CTNNAL1: variants seen among roughly 807,000 people sequenced by gnomAD.
CTNNAL1 encodes the protein alpha-catulin.
A neutral mutation model predicts 93.6 loss-of-function variants in CTNNAL1; 69 were observed. The ratio of observed to expected loss-of-function variants is 0.74; its 90% CI spans 0.61 to 0.90. The LOEUF (loss-of-function observed/expected upper bound fraction) is 0.90, where lower values mean the gene tolerates loss of function less well. Among genes scored for constraint, CTNNAL1 ranks in the 40% least tolerant of loss-of-function variants. The pLI is 0.00. For missense variants in CTNNAL1, 836 were observed against 862.0 expected (o/e 0.97, Z 0.38); for synonymous variants, 286 against 305.4 (o/e 0.94, Z 0.66).
At chr9:108,989,163 T>C (rs1285477871) in intron 4 of CTNNAL1, among the ~76,000 whole-genome samples, 1 of 152,190 alleles carries the variant, frequency 6.6e-6, no homozygotes, top group Admixed American at 6.5e-5. Flanking sequence ...ATCAAAATGA[T>C]GGTGAAAGTT....
At chr9:108,953,949 C>T (rs1830631017) in intron 12 of CTNNAL1, among the ~76,000 whole-genome samples, 1 of 152,128 alleles carries the variant, frequency 6.6e-6, no homozygotes, top group Non-Finnish European at 1.5e-5. Flanking sequence ...TATAAGGCAA[C>T]TGATAAAACA....
At chr9:109,008,152 CTTTTTTTT>C (rs149753320) in intron 1 of CTNNAL1, among the ~76,000 whole-genome samples, 1 of 85,290 alleles carries the variant, frequency 1.2e-5, no homozygotes, top group Admixed American at 1.6e-4. Context: ...ATCCATCTTT[CTTTTTTTT>C]TTTTTTTTTT....
chr9:108,992,676 C>T lies in CTNNAL1; in HGVS notation c.475G>A (p.Ala159Thr). The change falls in exon 3 of 19, where the codon GCA becomes ACA. Residue 159 changes from alanine to threonine, a missense_variant. Ala to Thr is a moderately conservative substitution (Grantham distance 58). Coordinates refer to ENST00000325551, the MANE Select transcript of CTNNAL1 (RefSeq NM_003798.4). ...LSSVTKVLLL[A>T]DRVVIKQIIT... is the part of the protein sequence containing the mutation. Reference sequence around the variant, plus strand: ...ATCTGTTTAATGACTACTCGGTCTGCCAGCAACAACACTTTTGTCACTGAA... The same window carrying T: ...ATCTGTTTAATGACTACTCGGTCTGTCAGCAACAACACTTTTGTCACTGAA... 6.2e-7 allele frequency: 1 copy of T among 1,613,628 alleles called. No homozygotes were observed.
At chr9:108,946,494 T>C (rs1830408508) in intron 15 of CTNNAL1, among the ~76,000 whole-genome samples, 1 of 152,178 alleles carries the variant, frequency 6.6e-6, no homozygotes, top group African/African-American at 2.4e-5. Context: ...CATCCAACTC[T>C]CACTTCATTA....
intron 8 of CTNNAL1, among the ~76,000 whole-genome samples, chr9:108,976,034 G>T (rs1831257778): frequency 6.6e-6 from 1 of 152,138 alleles, no homozygotes; most frequent in Non-Finnish European, 1.5e-5. Context: ...AAAACAAAAT[G>T]TACCCATTTT....
At chr9:109,012,193 G>A (rs564678540) in intron 1 of CTNNAL1, among the ~76,000 whole-genome samples, 46 of 152,064 alleles carry the variant, frequency 3.0e-4, no homozygotes, top group African/African-American at 1.1e-3. Flanking sequence ...TGTAACTGCT[G>A]TTTTCAAATA....
chr9:108,956,714 C>A (rs1405869547), intron 11 of CTNNAL1, among the ~76,000 whole-genome samples: 1 of 152,086 alleles, frequency 6.6e-6, no homozygotes, highest in African/African-American at 2.4e-5. Flanking sequence ...ATGACTATTA[C>A]AGGAAATGGG....
Position 109,013,389 on chromosome 9 carries a change from G to C in CTNNAL1, c.54C>G (p.Gly18=). The C allele has an allele frequency of 6.7e-7, 1 of 1,503,578 alleles. No individual in the cohort carries two copies. Among genetic ancestry groups the C allele is most frequent in the Non-Finnish European group, 8.9e-7 (1 of 1,125,754 alleles). The allele number at this position is 1,503,578 out of a possible 1,614,324, so 93.1% of individuals were successfully genotyped here. A position where few individuals can be genotyped will look rare whatever the true frequency, so the allele number is the denominator to read the frequency against. Residue 18 remains glycine, a synonymous_variant, in exon 1 of 19, where the codon GGC becomes GGG. Transcript: ENST00000325551. ...CGAGGGCGAAGCCCGAAGAGCCGGA[G>C]CCGTAGACTGCTCCGGCGCCGCCAA... is the stretch of plus-strand genomic sequence containing the variant. ...AGVGGAGAVY[G]SGSSGFALDS...
intron 4 of CTNNAL1, among the ~76,000 whole-genome samples, chr9:108,985,678 C>G (rs1044803386): frequency 1.3e-5 from 2 of 152,172 alleles, no homozygotes; most frequent in African/African-American, 4.8e-5. Context: ...TCATGGGTAC[C>G]TATCAGATAA....
At chr9:109,009,517 G>A (rs1184297833) in intron 1 of CTNNAL1, among the ~76,000 whole-genome samples, 1 of 151,950 alleles carries the variant, frequency 6.6e-6, no homozygotes, top group Non-Finnish European at 1.5e-5. Flanking sequence ...TATATGTGTG[G>A]ATCTGTTCTA....
Position 108,992,722 on chromosome 9 carries a change from C to T in CTNNAL1, c.429G>A (p.Lys143=). The change falls in exon 3 of 19, where the codon AAG becomes AAA. Residue 143 remains lysine (K), a synonymous_variant. Transcript: ENST00000325551. ...TIFTDKTGVI[K]AARLLLSSVT... ...CTGAAGAAAGAAGTAATCTTGCAGCCTTTATCACTCCTGTTTTGTCTGTAA... is the reference window on the plus strand; with the variant it reads ...CTGAAGAAAGAAGTAATCTTGCAGCTTTTATCACTCCTGTTTTGTCTGTAA... 1 of 1,613,992 alleles carries T rather than the reference C, an allele frequency of 6.2e-7. No individual in the cohort carries two copies. Among genetic ancestry groups the T allele is most frequent in the Non-Finnish European group, 8.5e-7 (1 of 1,179,938 alleles).
chr9:108,983,695 A>G (rs894104715), intron 5 of CTNNAL1, among the ~76,000 whole-genome samples: 1 of 152,234 alleles, frequency 6.6e-6, no homozygotes, highest in East Asian at 1.9e-4. Context: ...CTTTTAAAAA[A>G]TGATGTAAAT....
chr9:108,993,391 T>C (rs1831890152), intron 2 of CTNNAL1, among the ~76,000 whole-genome samples: 1 of 151,954 alleles, frequency 6.6e-6, no homozygotes, highest in African/African-American at 2.4e-5. Flanking sequence ...AAAGAAACAA[T>C]AAGGAAGTTT....
chr9:108,977,083 C>T (rs201248628), intron 7 of CTNNAL1, 35 bp from the exon 8 acceptor site: 11 of 958,606 alleles, frequency 1.1e-5, no homozygotes, highest in African/African-American at 8.6e-5. Context: ...GTAATGTTAC[C>T]GCATCTCTTT....
At chr9:108,972,973 G>A (rs866458081) in intron 8 of CTNNAL1, 140 bp from the exon 9 acceptor site, 1 of 1,027,428 alleles carries the variant, frequency 9.7e-7, no homozygotes, top group South Asian at 1.8e-5. Flanking sequence ...AAGCCGCAAA[G>A]CAGTTCCATG....
intron 2 of CTNNAL1, 114 bp from the exon 3 acceptor site, chr9:108,992,933 C>A: frequency 8.6e-7 from 1 of 1,160,104 alleles, no homozygotes; most frequent in Non-Finnish European, 1.2e-6. Flanking sequence ...TGGAGTCTTA[C>A]TTCAGGAACA....
At chr9:109,008,128 C>T (rs1394569971) in intron 1 of CTNNAL1, among the ~76,000 whole-genome samples, 13 of 146,860 alleles carry the variant, frequency 8.9e-5, no homozygotes, top group Non-Finnish European at 1.6e-4. Context: ...AGTAAAAATG[C>T]TATCCACATT....
intron 7 of CTNNAL1, 83 bp from the exon 8 acceptor site, chr9:108,977,131 TA>T: frequency 1.8e-6 from 1 of 562,898 alleles, no homozygotes; most frequent in Non-Finnish European, 3.0e-6. Flanking sequence ...CTGTAAATTG[TA>T]ATAAATTTTA....
At chr9:108,984,652 G>C (rs796464940) in intron 4 of CTNNAL1, among the ~76,000 whole-genome samples, 7 of 152,212 alleles carry the variant, frequency 4.6e-5, no homozygotes, top group African/African-American at 1.2e-4. Flanking sequence ...CTTAGTAAGG[G>C]CTAGAGAGCC....
Sources: allele counts gnomAD v4.1 joint callset (sites outside exome capture counted in the v4.1 genomes callset), GRCh38; gene constraint gnomAD v4.1.1; transcripts MANE v1.5; gene names NCBI Gene and HGNC (gene_info 2026-07-23, HGNC 2026-07-21).